The following AGMO variants were observed in gnomAD, a reference collection of about 807,000 sequenced individuals.
The protein encoded by AGMO is glyceryl-ether monooxygenase.
Under a neutral mutation model 60.2 loss-of-function variants are expected in AGMO, and 75 were observed. The observed-to-expected ratio is 1.25, with a 90% CI of 1.03 to 1.51. AGMO has a LOEUF of 1.51. Among genes scored for constraint, AGMO ranks in the 40% most tolerant of loss-of-function variants. The pLI, the probability that AGMO is intolerant of heterozygous loss-of-function variation, is 0.00. For missense variants in AGMO, 763 were observed against 525.5 expected (o/e 1.45, Z -4.42); for synonymous variants, 261 against 177.1 (o/e 1.47, Z -3.76).
At chr7:15,457,269 T>A (rs1421591585) in intron 3 of AGMO, among the ~76,000 whole-genome samples, 2 of 152,304 alleles carry the variant, frequency 1.3e-5, no homozygotes, top group East Asian at 3.9e-4. Context: ...ATAACTTTGA[T>A]AAATGCATAT....
intron 12 of AGMO, among the ~76,000 whole-genome samples, chr7:15,204,703 A>G (rs541183695): frequency 3.5e-4 from 54 of 152,272 alleles, no homozygotes; most frequent in African/African-American, 1.2e-3. Flanking sequence ...CTGATGCCTG[A>G]ACTTTTGGCC....
intron 12 of AGMO, among the ~76,000 whole-genome samples, chr7:15,364,752 A>G (rs143155042): frequency 2.6e-4 from 39 of 152,142 alleles, no homozygotes; most frequent in African/African-American, 9.4e-4. Flanking sequence ...ATGAAAGTGT[A>G]TATACTGGGT....
chr7:15,548,515 G>C (rs1411775780), intron 2 of AGMO, among the ~76,000 whole-genome samples: 1 of 152,096 alleles, frequency 6.6e-6, no homozygotes. Context: ...ACTACGTGAA[G>C]AATGCAGAAG....
intron 12 of AGMO, among the ~76,000 whole-genome samples, chr7:15,251,187 C>T (rs1782922950): frequency 6.6e-6 from 1 of 152,120 alleles, no homozygotes; most frequent in Non-Finnish European, 1.5e-5. Flanking sequence ...TATACCTTTA[C>T]TTCATGGCCC....
chr7:15,254,814 C>T (rs1018592628), intron 12 of AGMO, among the ~76,000 whole-genome samples: 1 of 150,952 alleles, frequency 6.6e-6, no homozygotes, highest in Non-Finnish European at 1.5e-5. Context: ...CACAAAAATA[C>T]AAAGAATCAT....
chr7:15,384,431 G>A (rs370712829), intron 10 of AGMO, among the ~76,000 whole-genome samples: 3 of 152,054 alleles, frequency 2.0e-5, no homozygotes, highest in African/African-American at 7.2e-5. Context: ...CTCCTTAGGT[G>A]TCTTTCAATT....
chr7:15,147,072 T>C, the AGMO span, among the ~76,000 whole-genome samples: 1 of 151,976 alleles, frequency 6.6e-6, no homozygotes, highest in Non-Finnish European at 1.5e-5. Context: ...ATGTCTGAGG[T>C]CCCAGCTTCT....
intron 3 of AGMO, among the ~76,000 whole-genome samples, chr7:15,442,457 C>T (rs1301995528): frequency 6.6e-6 from 1 of 152,144 alleles, no homozygotes; most frequent in Non-Finnish European, 1.5e-5. Flanking sequence ...TATGTAGGAA[C>T]ATTTCCCCCA....
At chr7:15,288,277 G>A (rs181449827) in intron 12 of AGMO, among the ~76,000 whole-genome samples, 7 of 151,912 alleles carry the variant, frequency 4.6e-5, no homozygotes, top group African/African-American at 1.7e-4. Flanking sequence ...CGAAAATACA[G>A]TACAAATTTT....
intron 3 of AGMO, among the ~76,000 whole-genome samples, chr7:15,519,425 C>T (rs950298075): frequency 6.6e-6 from 1 of 152,132 alleles, no homozygotes; most frequent in South Asian, 2.1e-4. Flanking sequence ...GGGTTACCCA[C>T]AAAGAGAAGC....
At chr7:15,206,727 T>C (rs1781449274) in intron 12 of AGMO, among the ~76,000 whole-genome samples, 1 of 152,180 alleles carries the variant, frequency 6.6e-6, no homozygotes, top group South Asian at 2.1e-4. Flanking sequence ...CTTCAATCAA[T>C]AAGTATCTAC....
At chr7:15,388,736 G>T (rs189031980) in intron 8 of AGMO, among the ~76,000 whole-genome samples, 5 of 152,164 alleles carry the variant, frequency 3.3e-5, no homozygotes, top group Non-Finnish European at 5.9e-5. Flanking sequence ...TGCCTCTGCA[G>T]AATAGGTGAG....
At chr7:15,350,348 A>C (rs190594154) in intron 12 of AGMO, among the ~76,000 whole-genome samples, 1 of 152,294 alleles carries the variant, frequency 6.6e-6, no homozygotes, top group Non-Finnish European at 1.5e-5. Context: ...AAAAGCATAA[A>C]TTGTATAAAA....
At chr7:15,122,236 G>A in the AGMO span, among the ~76,000 whole-genome samples, 1 of 151,978 alleles carries the variant, frequency 6.6e-6, no homozygotes, top group Non-Finnish European at 1.5e-5. Flanking sequence ...ATCAAAAAGT[G>A]GGCAAACGAT....
At chr7:15,351,714 CATAA>C (rs1428751435) in intron 12 of AGMO, among the ~76,000 whole-genome samples, 4 of 152,178 alleles carry the variant, frequency 2.6e-5, no homozygotes, top group South Asian at 2.1e-4. Context: ...TAAGTGGACA[CATAA>C]ATAAAAATAA....
At chr7:15,329,470 T>C (rs1012785622) in intron 12 of AGMO, among the ~76,000 whole-genome samples, 5 of 152,298 alleles carry the variant, frequency 3.3e-5, no homozygotes, top group Non-Finnish European at 5.9e-5. Flanking sequence ...TTGTGTGGCC[T>C]TGAACCAGGC....
chr7:15,268,372 A>G (rs1205039794), intron 12 of AGMO, among the ~76,000 whole-genome samples: 1 of 151,942 alleles, frequency 6.6e-6, no homozygotes, highest in Non-Finnish European at 1.5e-5. Flanking sequence ...CGCATCTCAT[A>G]CCATATTATT....
At chr7:15,119,396 G>A in the AGMO span, among the ~76,000 whole-genome samples, 1 of 151,956 alleles carries the variant, frequency 6.6e-6, no homozygotes, top group Non-Finnish European at 1.5e-5. Flanking sequence ...CTTTATACCA[G>A]TTTAATACTT....
intron 12 of AGMO, among the ~76,000 whole-genome samples, chr7:15,218,671 A>G (rs1049013523): frequency 6.6e-6 from 1 of 152,186 alleles, no homozygotes; most frequent in Non-Finnish European, 1.5e-5. Flanking sequence ...ATTTAAAAAA[A>G]GAGTTCAACA....
Sources: allele counts gnomAD v4.1 joint callset (sites outside exome capture counted in the v4.1 genomes callset), GRCh38; gene constraint gnomAD v4.1.1; transcripts MANE v1.5; gene names NCBI Gene and HGNC (gene_info 2026-07-23, HGNC 2026-07-21).